The following SATB2 variants were observed in gnomAD, a reference collection of about 807,000 sequenced individuals.
SATB2 encodes the protein DNA-binding protein SATB2.
In SATB2, 1 loss-of-function variant was observed where a neutral mutation model predicts 73.4. The observed-to-expected ratio is 0.01, with a 90% CI of 0.00 to 0.06. SATB2 has a LOEUF of 0.06. Among genes scored for constraint, SATB2 ranks in the 10% least tolerant of loss-of-function variants. The probability of loss-of-function intolerance (pLI) is 1.00; values close to 1 mark genes in which losing one functional copy is unlikely to be tolerated. For missense variants in SATB2, 459 were observed against 945.8 expected, an observed-to-expected ratio of 0.49 and a Z score of 6.75; for synonymous variants, 397 against 367.0, an observed-to-expected ratio of 1.08 and a Z score of -0.93.
chr2:199,469,056 C>T (rs1692651279), upstream of SATB2: 1 of 152,272 alleles, frequency 6.6e-6, no homozygotes, highest in Admixed American at 6.5e-5. Flanking sequence ...CAGCCTGGCT[C>T]CGAGGAAAGG....
intron 6 of SATB2, among the ~76,000 whole-genome samples, chr2:199,367,859 T>C (rs1460887664): frequency 1.3e-5 from 2 of 152,126 alleles, no homozygotes; most frequent in African/African-American, 2.4e-5. Flanking sequence ...TTTAAAAGTC[T>C]AGGTGATCTA....
At chr2:199,336,255 A>C (rs1324340939) in intron 7 of SATB2, among the ~76,000 whole-genome samples, 1 of 152,168 alleles carries the variant, frequency 6.6e-6, no homozygotes, top group African/African-American at 2.4e-5. Context: ...TTCCCTTTGG[A>C]AACGTTTTAC....
intron 3 of SATB2, among the ~76,000 whole-genome samples, chr2:199,406,199 C>T (rs1326318325): frequency 6.6e-6 from 1 of 152,052 alleles, no homozygotes. Context: ...AACCAATCCC[C>T]CTGGACACAA....
At chr2:199,436,925 AAGAG>A (rs542694100) in intron 2 of SATB2, among the ~76,000 whole-genome samples, 217 of 152,172 alleles carry the variant, frequency 1.4e-3, no homozygotes, top group Non-Finnish European at 2.7e-3. Flanking sequence ...AGAAAAAAAA[AAGAG>A]AGAGAAAAGT....
intron 10 of SATB2, among the ~76,000 whole-genome samples, chr2:199,293,420 A>T (rs969016213): frequency 6.6e-6 from 1 of 152,112 alleles, no homozygotes; most frequent in Non-Finnish European, 1.5e-5. Flanking sequence ...AGGAAAAGGT[A>T]TCGAATGTTT....
upstream of SATB2, among the ~76,000 whole-genome samples, chr2:199,461,228 A>G (rs1692469031): frequency 6.6e-6 from 1 of 152,180 alleles, no homozygotes; most frequent in Non-Finnish European, 1.5e-5. Context: ...TTTTGTCTCT[A>G]ATAAAGGCCT....
chr2:199,435,883 C>T (rs1691638070), intron 2 of SATB2, among the ~76,000 whole-genome samples: 1 of 152,200 alleles, frequency 6.6e-6, no homozygotes, highest in Non-Finnish European at 1.5e-5. Context: ...GAGCTTTTAA[C>T]TCTTACATGC....
At chr2:199,442,396 T>C (rs1691845060) in intron 2 of SATB2, among the ~76,000 whole-genome samples, 1 of 152,178 alleles carries the variant, frequency 6.6e-6, no homozygotes, top group Non-Finnish European at 1.5e-5. Context: ...GGGCATCGCA[T>C]GGATGGGTGC....
chr2:199,322,876 T>C (rs1687928155), intron 9 of SATB2, among the ~76,000 whole-genome samples: 1 of 152,136 alleles, frequency 6.6e-6, no homozygotes, highest in Non-Finnish European at 1.5e-5. Flanking sequence ...TGATCAACCA[T>C]TTGATTATTT....
chr2:199,445,201 T>C (rs990631799), intron 2 of SATB2, among the ~76,000 whole-genome samples: 1 of 152,212 alleles, frequency 6.6e-6, no homozygotes, highest in Non-Finnish European at 1.5e-5. Context: ...TATTTTGCTA[T>C]AAATCTTTTT....
At chr2:199,281,233 CAA>C (rs1197027648) in intron 10 of SATB2, among the ~76,000 whole-genome samples, 4 of 119,780 alleles carry the variant, frequency 3.3e-5, no homozygotes, top group African/African-American at 3.1e-5. Flanking sequence ...GACCCTGTCT[CAA>C]AAAAAAAAAA....
At chr2:199,421,060 G>A (rs1691151815) in intron 3 of SATB2, among the ~76,000 whole-genome samples, 1 of 152,098 alleles carries the variant, frequency 6.6e-6, no homozygotes, top group Non-Finnish European at 1.5e-5. Flanking sequence ...AACGATCCCA[G>A]TATCTGAGGA....
chr2:199,317,263 T>C (rs1288088192), intron 9 of SATB2, among the ~76,000 whole-genome samples: 3 of 152,072 alleles, frequency 2.0e-5, no homozygotes, highest in Admixed American at 6.5e-5. Context: ...GTCTTGGCCC[T>C]GTGAAAAGAA....
At chr2:199,305,305 G>A (rs1311669582) in intron 10 of SATB2, among the ~76,000 whole-genome samples, 1 of 151,804 alleles carries the variant, frequency 6.6e-6, no homozygotes, top group Non-Finnish European at 1.5e-5. Flanking sequence ...GATTTTATGT[G>A]ATATCTTCTA....
chr2:199,373,669 T>A (rs1435296530), intron 5 of SATB2, among the ~76,000 whole-genome samples: 1 of 152,184 alleles, frequency 6.6e-6, no homozygotes, highest in Non-Finnish European at 1.5e-5. Context: ...TAGCACAAGA[T>A]GTGGAATCAG....
chr2:199,353,130 A>AT (rs1389207810), intron 6 of SATB2, among the ~76,000 whole-genome samples: 1 of 142,706 alleles, frequency 7.0e-6, no homozygotes, highest in Non-Finnish European at 1.5e-5. Context: ...TTCAGAAACC[A>AT]TTTACACACG....
chr2:199,370,149 G>A (rs533557742), intron 5 of SATB2, among the ~76,000 whole-genome samples: 20 of 152,206 alleles, frequency 1.3e-4, no homozygotes, highest in Non-Finnish European at 2.1e-4. Context: ...GACCAAGTAC[G>A]GCTGTTCCCT....
In SATB2 at chr2:199,381,723, A is replaced by G. The variant is rs752665591; in HGVS notation, c.444T>C (p.His148=). 5.6e-6 allele frequency: 9 copies of G among 1,614,146 alleles called. No homozygotes were observed. The South Asian group carries it at 7.7e-5, about 14-fold the overall frequency. Residue 148 remains histidine (H), a synonymous_variant, in exon 4 of 11, where the codon CAT becomes CAC. Coordinates refer to ENST00000417098, the MANE Select transcript of SATB2 (RefSeq NM_001172509.2). ...GTAATTGGATTTTCAACGTCACAACATGATAGACATCTTGTAGCATGTCGG... is the reference window on the plus strand; with the variant it reads ...GTAATTGGATTTTCAACGTCACAACGTGATAGACATCTTGTAGCATGTCGG... ...TVADMLQDVY[H]VVTLKIQLQS... is the part of the protein sequence containing the mutation.
At chr2:199,295,079 T>C (rs1692989234) in intron 10 of SATB2, among the ~76,000 whole-genome samples, 1 of 152,178 alleles carries the variant, frequency 6.6e-6, no homozygotes, top group Non-Finnish European at 1.5e-5. Flanking sequence ...AACCAGATAC[T>C]CAAGTGAGCT....
Sources: gnomAD v4.1 joint callset for allele counts (sites outside exome capture counted in the v4.1 genomes callset) on GRCh38, gnomAD v4.1.1 for gene constraint, MANE v1.5 for transcripts, NCBI Gene and HGNC (gene_info 2026-07-23, HGNC 2026-07-21) for gene names.